Variants in CCDC3 observed in about 807,000 individuals in gnomAD.
The protein encoded by CCDC3 is coiled-coil domain containing 3, also known as coiled-coil domain-containing protein 3.
CCDC3 carries 24 observed loss-of-function variants against 21.4 expected under a neutral mutation model. The observed-to-expected ratio is 1.12, with a 90% confidence interval of 0.81 to 1.58. The LOEUF (loss-of-function observed/expected upper bound fraction) is 1.58. Ranked by LOEUF, CCDC3 falls within the 40% of genes most tolerant of loss-of-function variation. CCDC3 has a pLI of 0.00. For synonymous variants in CCDC3, 186 were observed against 166.0 expected, an observed-to-expected ratio of 1.12 and a Z score of -0.93; for missense variants, 425 against 360.9, an observed-to-expected ratio of 1.18 and a Z score of -1.44.
At chr10:13,054,169 A>G (rs1374644761) in intron 4 of CCDC3, among the ~76,000 whole-genome samples, 1 of 151,492 alleles carries the variant, frequency 6.6e-6, no homozygotes, top group Non-Finnish European at 1.5e-5. Flanking sequence ...AAAAAAAAAA[A>G]AAAAGAGGAA....
intron 2 of CCDC3, among the ~76,000 whole-genome samples, chr10:12,961,211 C>T (rs1376369325): frequency 3.3e-5 from 5 of 152,162 alleles, no homozygotes; most frequent in African/African-American, 1.2e-4. Flanking sequence ...CTTCAGCCCA[C>T]CAAGTCTGTC....
At chr10:12,975,338 T>C (rs1488268715) in intron 2 of CCDC3, among the ~76,000 whole-genome samples, 1 of 152,104 alleles carries the variant, frequency 6.6e-6, no homozygotes, top group Non-Finnish European at 1.5e-5. Context: ...CAAGATTCAT[T>C]TGGAGTTTTG....
At chr10:12,997,970 T>C (rs561014963) in intron 2 of CCDC3, among the ~76,000 whole-genome samples, 1 of 152,162 alleles carries the variant, frequency 6.6e-6, no homozygotes, top group Admixed American at 6.5e-5. Context: ...TTTACAAATT[T>C]GTGTTGGGCC....
chr10:12,992,201 C>A (rs1443136800), intron 2 of CCDC3, among the ~76,000 whole-genome samples: 1 of 152,070 alleles, frequency 6.6e-6, no homozygotes. Flanking sequence ...ACCAGTCTGG[C>A]CAACATGGTG....
At chr10:13,098,710 A>ATTTTTTTTTGTTTTTTT (rs1832667204) in intron 2 of CCDC3, 1 of 64,854 alleles carries the variant, frequency 1.5e-5, no homozygotes, top group Non-Finnish European at 2.7e-5. Context: ...TCCTGCACTG[A>ATTTTTTTTTGTTTTTTT]TTTTTTTTTT....
intron 2 of CCDC3, among the ~76,000 whole-genome samples, chr10:12,979,102 C>T (rs531438471): frequency 8.5e-5 from 13 of 152,090 alleles, no homozygotes; most frequent in Non-Finnish European, 1.8e-4. Context: ...TCCTCGTGAG[C>T]CCCTAACTCT....
chr10:12,923,595 C>T (rs1372129235), intron 2 of CCDC3, among the ~76,000 whole-genome samples: 1 of 152,138 alleles, frequency 6.6e-6, no homozygotes, highest in Non-Finnish European at 1.5e-5. Flanking sequence ...AGAATGGAAG[C>T]AATGATGTGA....
chr10:12,986,969 C>T (rs1835605568), intron 2 of CCDC3, among the ~76,000 whole-genome samples: 1 of 152,100 alleles, frequency 6.6e-6, no homozygotes, highest in Non-Finnish European at 1.5e-5. Flanking sequence ...ATCCTGACCC[C>T]TCCTTGCTGG....
intron 2 of CCDC3, among the ~76,000 whole-genome samples, chr10:12,954,449 CATAAAG>C (rs1455144011): frequency 6.6e-6 from 1 of 152,148 alleles, no homozygotes; most frequent in East Asian, 1.9e-4. Context: ...CTGGGTAACT[CATAAAG>C]AAAAGAGGTT....
intron 5 of CCDC3, among the ~76,000 whole-genome samples, chr10:13,031,193 A>G (rs11499257): frequency 0.27 from 40,691 of 152,192 alleles, 6,465 homozygotes; most frequent in Non-Finnish European, 0.36. Context: ...TAAGAAGCTC[A>G]CTCAAAACCA....
At chr10:13,016,607 C>T (rs1230530389) in intron 5 of CCDC3, among the ~76,000 whole-genome samples, 3 of 151,796 alleles carry the variant, frequency 2.0e-5, no homozygotes, top group Non-Finnish European at 4.4e-5. Context: ...GAATCCCTTC[C>T]CCCGGGGTCA....
intron 2 of CCDC3, among the ~76,000 whole-genome samples, chr10:12,983,999 G>A (rs540618239): frequency 1.3e-5 from 2 of 152,304 alleles, no homozygotes; most frequent in African/African-American, 4.8e-5. Flanking sequence ...AGAATCACCT[G>A]ACCCCGGGAG....
At chr10:12,989,864 A>T (rs1370816313) in intron 2 of CCDC3, among the ~76,000 whole-genome samples, 1 of 152,198 alleles carries the variant, frequency 6.6e-6, no homozygotes, top group African/African-American at 2.4e-5. Flanking sequence ...CTCATAGCGC[A>T]AATCAAGATA....
chr10:13,002,187 G>C (rs1835867615), upstream of CCDC3, among the ~76,000 whole-genome samples: 1 of 152,102 alleles, frequency 6.6e-6, no homozygotes, highest in Non-Finnish European at 1.5e-5. Flanking sequence ...GAAAAGCTTT[G>C]ATAAAAGATT....
chr10:12,947,824 A>C lies in CCDC3; in HGVS notation c.550-49145T>G, dbSNP rs1834939843. Reference sequence around the variant, plus strand: ...TCCTTTAAGTCCTTACCAACGGGTCAGGTATTGTGCTAAGCACGGCCTCCT... The same window carrying C: ...TCCTTTAAGTCCTTACCAACGGGTCCGGTATTGTGCTAAGCACGGCCTCCT... On this transcript the variant is annotated intron_variant, in intron 2 of 2. Coordinates refer to ENST00000378825, the MANE Select transcript of CCDC3 (RefSeq NM_031455.4). Among the ~76,000 whole-genome samples the C allele has an allele frequency of 2.0e-5, 3 of 152,358 alleles. No homozygotes were observed. The South Asian group carries it at 6.2e-4, about 32-fold the overall frequency.
chr10:13,069,874 AT>A (rs1333913382), intron 4 of CCDC3, among the ~76,000 whole-genome samples: 1 of 152,176 alleles, frequency 6.6e-6, no homozygotes, highest in African/African-American at 2.4e-5. Flanking sequence ...TACCCTGGAC[AT>A]TTTGTTATTT....
chr10:12,985,837 G>A (rs192547709), intron 2 of CCDC3, among the ~76,000 whole-genome samples: 3 of 152,256 alleles, frequency 2.0e-5, no homozygotes, highest in Admixed American at 6.5e-5. Context: ...AATTGTGGTG[G>A]GGTTACCAAA....
At chr10:13,040,363 A>G (rs942222342) in intron 5 of CCDC3, among the ~76,000 whole-genome samples, 1 of 152,190 alleles carries the variant, frequency 6.6e-6, no homozygotes, top group Non-Finnish European at 1.5e-5. Flanking sequence ...AGTGAGCCTT[A>G]TCTATCAGTG....
chr10:12,984,151 C>T (rs1024123810), intron 2 of CCDC3, among the ~76,000 whole-genome samples: 1 of 152,154 alleles, frequency 6.6e-6, no homozygotes, highest in Non-Finnish European at 1.5e-5. Flanking sequence ...GTGTACAAAT[C>T]ATACATGTGA....
Sources: gnomAD v4.1 joint callset for allele counts (sites outside exome capture counted in the v4.1 genomes callset) on GRCh38, gnomAD v4.1.1 for gene constraint, MANE v1.5 for transcripts, NCBI Gene and HGNC (gene_info 2026-07-23, HGNC 2026-07-21) for gene names.